MFAP1: variants seen among roughly 807,000 people sequenced by gnomAD.
MFAP1 encodes the protein microfibrillar-associated protein 1.
In MFAP1, 18 loss-of-function variants were observed where a neutral mutation model predicts 62.2. The observed-to-expected ratio is 0.29, with a 90% CI of 0.20 to 0.43. MFAP1 has a LOEUF of 0.43. Ranked by LOEUF, MFAP1 falls within the 20% of genes least tolerant of loss-of-function variation. The probability of loss-of-function intolerance (pLI) is 1.00; values close to 1 mark genes in which losing one functional copy is unlikely to be tolerated. For missense variants in MFAP1, 355 were observed against 559.7 expected (o/e 0.63, Z 3.69); for synonymous variants, 175 against 180.4 (o/e 0.97, Z 0.24).
chr15:43,805,863 T>G (rs1471304794), intron 7 of MFAP1, among the ~76,000 whole-genome samples: 1 of 152,112 alleles, frequency 6.6e-6, no homozygotes, highest in Non-Finnish European at 1.5e-5. Flanking sequence ...CTGCCCACCT[T>G]GGCCTCCCAA....
intron 6 of MFAP1, among the ~76,000 whole-genome samples, chr15:43,812,264 T>A (rs1179256007): frequency 1.3e-5 from 2 of 151,986 alleles, no homozygotes; most frequent in Non-Finnish European, 2.9e-5. Flanking sequence ...CCTCACAGTA[T>A]GTATGCCCCT....
chr15:43,813,437 A>G (rs2087415492), intron 4 of MFAP1, 80 bp from the exon 5 acceptor site: 11 of 1,332,190 alleles, frequency 8.3e-6, no homozygotes. Flanking sequence ...TCCCATCCAA[A>G]TCAGACAAAA....
At chr15:43,821,351 C>T (rs2087465845) in intron 1 of MFAP1, among the ~76,000 whole-genome samples, 2 of 150,332 alleles carry the variant, frequency 1.3e-5, no homozygotes, top group Non-Finnish European at 3.0e-5. Flanking sequence ...AATGCAATTC[C>T]ATTAAAAGTT....
intron 6 of MFAP1, 53 bp downstream of exon 6, chr15:43,812,934 C>T (rs1596056538): frequency 6.3e-6 from 10 of 1,595,392 alleles, no homozygotes; most frequent in African/African-American, 1.3e-5. Flanking sequence ...AGCTATCCTG[C>T]TAGAAACCTG....
intron 1 of MFAP1, among the ~76,000 whole-genome samples, chr15:43,821,009 G>T (rs565470706): frequency 4.7e-4 from 72 of 152,250 alleles, no homozygotes; most frequent in African/African-American, 1.7e-3. Context: ...GGGCTAAAGT[G>T]AGCCTCCCTC....
intron 1 of MFAP1, among the ~76,000 whole-genome samples, chr15:43,819,420 G>C (rs2087453817): frequency 6.6e-6 from 1 of 152,130 alleles, no homozygotes; most frequent in African/African-American, 2.4e-5. Context: ...AGGATTACAG[G>C]TGTGAGCCAT....
At chr15:43,819,488 A>C (rs2141712159) in intron 1 of MFAP1, among the ~76,000 whole-genome samples, 1 of 152,146 alleles carries the variant, frequency 6.6e-6, no homozygotes, top group South Asian at 2.1e-4. Context: ...GATACAGCAG[A>C]CTTTATACTT....
intron 1 of MFAP1, among the ~76,000 whole-genome samples, chr15:43,818,018 CTTTTTT>C (rs780258021): frequency 1.5e-5 from 2 of 131,746 alleles, no homozygotes; most frequent in African/African-American, 2.9e-5. Context: ...AAATACAATT[CTTTTTT>C]TTTTTTTTTT....
At position 43,814,114 on chromosome 15, in the gene MFAP1, G is replaced by A. The variant is rs147547397; in HGVS notation, c.617+387C>T. ...ACTAAAAATACAAAATTAGCCAGGC[G>A]TGGTGGCGCATGCCTGTAATCCCAG... On this transcript the variant is annotated intron_variant, in intron 4 of 8. Transcript: ENST00000267812. Among the ~76,000 whole-genome samples the A allele has an allele frequency of 1.3e-4, 20 of 152,106 alleles. No homozygotes were observed. In the East Asian group the frequency reaches 1.6e-3, roughly 12 times the overall value.
At chr15:43,821,359 G>A (rs2087465877) in intron 1 of MFAP1, among the ~76,000 whole-genome samples, 1 of 151,378 alleles carries the variant, frequency 6.6e-6, no homozygotes, top group African/African-American at 2.4e-5. Flanking sequence ...TCCATTAAAA[G>A]TTGTCTCCAG....
At chr15:43,823,866 G>A (rs531558118) in intron 1 of MFAP1, among the ~76,000 whole-genome samples, 1 of 152,298 alleles carries the variant, frequency 6.6e-6, no homozygotes, top group South Asian at 2.1e-4. Context: ...GGGAGGCTGA[G>A]GCAGGAGGAC....
chr15:43,816,250 CTTTTT>C, intron 2 of MFAP1, among the ~76,000 whole-genome samples: 1 of 135,768 alleles, frequency 7.4e-6, no homozygotes, highest in Admixed American at 7.8e-5. Flanking sequence ...TTTTTCTTTT[CTTTTT>C]TTTTTTTTGA....
intron 7 of MFAP1, among the ~76,000 whole-genome samples, chr15:43,806,086 T>A (rs1424837823): frequency 6.6e-6 from 1 of 151,764 alleles, no homozygotes; most frequent in Non-Finnish European, 1.5e-5. Context: ...GCCTCCTGAG[T>A]GGCTGGGACT....
At chr15:43,822,116 C>T (rs2087470091) in intron 1 of MFAP1, among the ~76,000 whole-genome samples, 1 of 150,290 alleles carries the variant, frequency 6.7e-6, no homozygotes, top group South Asian at 2.1e-4. Context: ...AGATGCCCAG[C>T]ATCGGCCGGA....
At chr15:43,818,054 C>G (rs1251602569) in intron 1 of MFAP1, among the ~76,000 whole-genome samples, 1 of 143,388 alleles carries the variant, frequency 7.0e-6, no homozygotes, top group Non-Finnish European at 1.5e-5. Flanking sequence ...GAGTCTCGCT[C>G]TGTCGCCCAG....
At chr15:43,818,518 GAAAC>G (rs1459300286) in intron 1 of MFAP1, among the ~76,000 whole-genome samples, 1 of 112,252 alleles carries the variant, frequency 8.9e-6, no homozygotes, top group African/African-American at 3.5e-5. Flanking sequence ...AAAAAAAAAA[GAAAC>G]AAAAAAAAAA....
chr15:43,819,617 G>A (rs1279394783), intron 1 of MFAP1, among the ~76,000 whole-genome samples: 2 of 151,964 alleles, frequency 1.3e-5, no homozygotes, highest in Non-Finnish European at 2.9e-5. Context: ...TGCAACCTCC[G>A]CCCCCTGGGT....
intron 7 of MFAP1, among the ~76,000 whole-genome samples, chr15:43,809,246 G>C (rs1156772662): frequency 2.0e-5 from 3 of 151,842 alleles, no homozygotes; most frequent in Non-Finnish European, 2.9e-5. Context: ...GGGAGGCTGA[G>C]GTGGGAGGAT....
intron 1 of MFAP1, among the ~76,000 whole-genome samples, chr15:43,822,039 G>A (rs2087469796): frequency 6.6e-6 from 1 of 152,044 alleles, no homozygotes; most frequent in South Asian, 2.1e-4. Context: ...AACAGAAAGT[G>A]GGTAACTGAC....
Sources: allele counts gnomAD v4.1 joint callset (sites outside exome capture counted in the v4.1 genomes callset), GRCh38; gene constraint gnomAD v4.1.1; transcripts MANE v1.5; gene names NCBI Gene and HGNC (gene_info 2026-07-23, HGNC 2026-07-21).